Variants in BRWD1 observed in about 807,000 individuals in gnomAD.
The protein encoded by BRWD1 is bromodomain and WD repeat-containing protein 1.
In BRWD1, 82 loss-of-function variants were observed where a neutral mutation model predicts 251.2. The ratio of observed to expected loss-of-function variants is 0.33; its 90% CI spans 0.27 to 0.39. BRWD1 has a LOEUF of 0.39. BRWD1 is among the 10% of genes least tolerant of loss of function. The probability of loss-of-function intolerance (pLI) is 1.00; values close to 1 mark genes in which losing one functional copy is unlikely to be tolerated. For synonymous variants in BRWD1, 918 were observed against 902.8 expected, an observed-to-expected ratio of 1.02 and a Z score of -0.30; for missense variants, 2,233 against 2,711.6, an observed-to-expected ratio of 0.82 and a Z score of 3.92.
rs533398417 is a variant in BRWD1 at position 39,247,783 on chromosome 21, C to G, written c.2399G>C (p.Arg800Pro). Residue 800 changes from arginine (R) to proline (P), a missense_variant, in exon 21 of 41, where the codon CGT becomes CCT. Physicochemically the swap from Arg to Pro is moderately radical, Grantham distance 103. This residue lies in a region of BRWD1 where 214 missense variants were observed against 222.0 expected (regional missense o/e 0.96). Transcript: ENST00000342449. ...VSQSRQRTCR[R>P]KYPNYGRRNR... is the part of the protein sequence containing the mutation. ...TCTTCTACCATAATTTGGATATTTA[C>G]GCCTACATGTCCTTTGTCTAGACTG... 2 of 1,613,316 alleles carry G rather than the reference C, an allele frequency of 1.2e-6. No individual in the cohort carries two copies. Among genetic ancestry groups the G allele is most frequent in the East Asian group, 4.5e-5 (2 of 44,818 alleles).
upstream of BRWD1, among the ~76,000 whole-genome samples, chr21:39,317,831 G>A (rs12329720): frequency 0.094 from 14,346 of 152,216 alleles, 797 homozygotes; most frequent in East Asian, 0.14. Flanking sequence ...CAGGAGGACC[G>A]CATGAGCCCA....
At chr21:39,209,238 T>C (rs201735685) in intron 36 of BRWD1, among the ~76,000 whole-genome samples, 1 of 152,044 alleles carries the variant, frequency 6.6e-6, no homozygotes, top group Non-Finnish European at 1.5e-5. Context: ...ACCTCTCCTT[T>C]CCTTCCATTA....
intron 8 of BRWD1, among the ~76,000 whole-genome samples, chr21:39,287,984 G>A (rs1213713313): frequency 2.6e-5 from 4 of 152,176 alleles, no homozygotes; most frequent in African/African-American, 9.7e-5. Flanking sequence ...TATGGTCCAA[G>A]AATTCAACAG....
Position 39,259,576 on chromosome 21 carries a change from C to T in BRWD1, c.1886-904G>A, listed in dbSNP as rs559787187. 1.6e-4 allele frequency among the ~76,000 whole-genome samples: 25 copies of T among 152,192 alleles called. No homozygotes were observed. In the East Asian group the frequency reaches 4.9e-3, roughly 30 times the overall value. On this transcript the variant is annotated intron_variant, in intron 17 of 40. Transcript: ENST00000342449. ...ACCTCCCAAAGTGCTGGGATTACAG[C>T]CGGGGCGTGGTGGCTCACATCTGTA...
chr21:39,308,845 G>T (rs532029234), intron 4 of BRWD1, among the ~76,000 whole-genome samples: 2 of 152,170 alleles, frequency 1.3e-5, no homozygotes, highest in South Asian at 2.1e-4. Context: ...CAATGGCATA[G>T]AAACAAGACT....
In BRWD1 at chr21:39,206,213, G is replaced by A; in HGVS notation, c.4259C>T (p.Ser1420Phe). 2 of 1,610,802 alleles carry A rather than the reference G, an allele frequency of 1.2e-6. No homozygotes were observed. The highest frequency in any genetic ancestry group is 1.7e-6 in the Non-Finnish European group (2 of 1,177,574). The change falls in exon 37 of 41, where the codon TCT becomes TTT. Residue 1420 changes from serine to phenylalanine, a missense_variant. Coordinates refer to ENST00000342449, the MANE Select transcript of BRWD1 (RefSeq NM_033656.4). ...GAATTTTTGACCAATTTTAAAATCA[G>A]AAGAGATTTTCTTCATTTTTTCTTC... ...LFEEKMKKIS[S>F]DFKIGQKFNE...
intron 13 of BRWD1, among the ~76,000 whole-genome samples, chr21:39,273,872 T>G (rs1482264068): frequency 6.6e-6 from 1 of 152,202 alleles, no homozygotes; most frequent in African/African-American, 2.4e-5. Context: ...AACTCTAAAG[T>G]AAAATCTATG....
At position 39,197,129 on chromosome 21, in the gene BRWD1, T is replaced by C; in HGVS notation, c.5940A>G (p.Glu1980=). The C allele has an allele frequency of 6.2e-7, 1 of 1,614,138 alleles. No individual in the cohort carries two copies. The highest frequency in any genetic ancestry group is 8.5e-7 in the Non-Finnish European group (1 of 1,179,970). ...TTGGTACTTCACAATGTACACTTCC[T>C]TCACAATCACTCAATTTCTTCTTAG... The part of the protein sequence containing the change: ...TTAKKKLSDC[E]GSVHCEVPSE... The change falls in exon 41 of 41, where the codon GAA becomes GAG. Residue 1980 remains glutamate (E), a synonymous_variant. Coordinates refer to ENST00000342449, the MANE Select transcript of BRWD1 (RefSeq NM_033656.4).
At chr21:39,275,953 A>G (rs926953109) in intron 12 of BRWD1, among the ~76,000 whole-genome samples, 2 of 152,014 alleles carry the variant, frequency 1.3e-5, no homozygotes, top group African/African-American at 4.8e-5. Flanking sequence ...ATTAACTTGA[A>G]CCCAAGAGGT....
intron 8 of BRWD1, among the ~76,000 whole-genome samples, chr21:39,281,065 C>T (rs976867273): frequency 1.3e-5 from 2 of 151,922 alleles, no homozygotes; most frequent in Non-Finnish European, 2.9e-5. Context: ...AGTTCAAAAG[C>T]GAGGGGGAAT....
At chr21:39,225,254 T>C (rs1373947491) in intron 27 of BRWD1, 57 bp from the exon 28 acceptor site, 2 of 1,263,654 alleles carry the variant, frequency 1.6e-6, no homozygotes, top group African/African-American at 1.5e-5. Flanking sequence ...ATTAACATTT[T>C]TTTAATCTAC....
At position 39,205,878 on chromosome 21, in the gene BRWD1, G is replaced by A. The variant is rs533317409; in HGVS notation, c.4364+230C>T. Reference sequence around the variant, plus strand: ...GTGGATCACCTGCGGTCAGGAGTTCGAGACCAGCGTGGCCAACATGGTGAA... The same window carrying A: ...GTGGATCACCTGCGGTCAGGAGTTCAAGACCAGCGTGGCCAACATGGTGAA... On this transcript the variant is annotated intron_variant, in intron 37 of 40. Coordinates refer to ENST00000342449, the MANE Select transcript of BRWD1 (RefSeq NM_033656.4). Among the ~76,000 whole-genome samples, 50 of 152,154 alleles carry A rather than the reference G, an allele frequency of 3.3e-4. 1 individual carries two copies. Among genetic ancestry groups the A allele is most frequent in the African/African-American group, 1.2e-3 (48 of 41,528 alleles).
rs759572995 is a variant in BRWD1, at chr21:39,199,243, C to G, written c.5173G>C (p.Asp1725His). The G allele has an allele frequency of 6.2e-7, 1 of 1,614,068 alleles. No individual in the cohort carries two copies. ...CAATTTTTCCGGGCTACCCGCAAAT[C>G]ACTTTCTGACTCTGAGTCTCTGTTT... ...SENRDSESES[D>H]LRVARKNWHA... Residue 1725 changes from aspartate to histidine, a missense_variant, in exon 40 of 41, where the codon GAT becomes CAT. Asp to His is a moderately conservative substitution (Grantham distance 81). Coordinates refer to ENST00000342449, the MANE Select transcript of BRWD1 (RefSeq NM_033656.4).
rs1366508522 is a variant in BRWD1 at position 39,206,116 on chromosome 21, T to G, written c.4356A>C (p.Lys1452Asn). The change falls in exon 37 of 41, where the codon AAA becomes AAC. Residue 1452 changes from lysine (K) to asparagine (N), a missense_variant. Transcript: ENST00000342449. Reference protein sequence around the residue: ...QNCKGDSQPNKSIRNLKPKRL... With the variant: ...QNCKGDSQPNNSIRNLKPKRL... ...TGCCATAACCAGTTTACCTGATACTTTTGTTAGGCTGACTGTCACCTTTAC... is the reference window on the plus strand; with the variant it reads ...TGCCATAACCAGTTTACCTGATACTGTTGTTAGGCTGACTGTCACCTTTAC... The G allele has an allele frequency of 2.5e-6, 4 of 1,606,038 alleles. No homozygotes were observed. Among genetic ancestry groups the G allele is most frequent in the Non-Finnish European group, 3.4e-6 (4 of 1,177,682 alleles).
chr21:39,210,661 G>T, intron 35 of BRWD1, 125 bp downstream of exon 35: 1 of 1,118,872 alleles, frequency 8.9e-7, no homozygotes, highest in Non-Finnish European at 1.2e-6. Context: ...CACTAACTTA[G>T]TGATAGGAGC....
rs755949806 is a variant in BRWD1, at chr21:39,298,528, T to C, written c.253A>G (p.Ile85Val). Residue 85 changes from isoleucine (I) to valine (V), a missense_variant, in exon 5 of 41, where the codon ATC becomes GTC. This residue lies in a region of BRWD1 where 185 missense variants were observed against 260.6 expected (regional missense o/e 0.71). Transcript: ENST00000342449. ...PDHLLQICQR[I>V]GPMLDKEIPP... The stretch of plus-strand genomic sequence containing the variant: ...ATTTCTTTATCCAACATAGGACCGA[T>C]GCGCTGGCAGATTTGCAAAAGATGA... The C allele has an allele frequency of 1.2e-5, 20 of 1,610,274 alleles. No individual in the cohort carries two copies. The highest frequency in any genetic ancestry group is 1.6e-5 in the Non-Finnish European group (19 of 1,178,954).
At chr21:39,243,859 C>A (rs1215576632) in intron 21 of BRWD1, among the ~76,000 whole-genome samples, 1 of 152,194 alleles carries the variant, frequency 6.6e-6, no homozygotes, top group Non-Finnish European at 1.5e-5. Context: ...CATATTCATA[C>A]ATACAGGAGA....
Position 39,269,929 on chromosome 21 carries a change from T to C in BRWD1, c.1500A>G (p.Lys500=). The C allele has an allele frequency of 6.4e-7, 1 of 1,554,568 alleles. No homozygotes were observed. Among genetic ancestry groups the C allele is most frequent in the Non-Finnish European group, 8.7e-7 (1 of 1,149,312 alleles). ...DGSIFIWDIT[K]GTKMKHYFNM... is the part of the protein sequence containing the mutation. ...TAAAATAATGTTTCATCTTGGTACC[T>C]TTTGTAATATCCCATATAAATATGC... The change falls in exon 15 of 41, where the codon AAA becomes AAG. Residue 500 remains lysine, a synonymous_variant. Transcript: ENST00000342449.
chr21:39,303,009 A>C (rs2036169114), intron 4 of BRWD1, among the ~76,000 whole-genome samples: 1 of 151,894 alleles, frequency 6.6e-6, no homozygotes, highest in African/African-American at 2.4e-5. Flanking sequence ...CAGTGAGCCG[A>C]GATCACACCA....
Sources: allele counts gnomAD v4.1 joint callset (sites outside exome capture counted in the v4.1 genomes callset), GRCh38; gene constraint gnomAD v4.1.1; regional missense constraint gnomAD v4.1.1; transcripts MANE v1.5; gene names NCBI Gene and HGNC (gene_info 2026-07-23, HGNC 2026-07-21).